Variants in ERGIC1 observed in about 807,000 individuals in gnomAD.
The protein encoded by ERGIC1 is endoplasmic reticulum-golgi intermediate compartment 1, also known as endoplasmic reticulum-Golgi intermediate compartment protein 1.
In ERGIC1, 19 loss-of-function variants were observed where a neutral mutation model predicts 38.3. That is an observed-to-expected ratio of 0.50 (90% confidence interval 0.35 to 0.73). The LOEUF (loss-of-function observed/expected upper bound fraction) is 0.73, where lower values mean the gene tolerates loss of function less well. Ranked by LOEUF, ERGIC1 falls within the 30% of genes least tolerant of loss-of-function variation. The pLI is 0.01. For synonymous variants in ERGIC1, 124 were observed against 157.6 expected, an observed-to-expected ratio of 0.79 and a Z score of 1.60; for missense variants, 294 against 389.2, an observed-to-expected ratio of 0.76 and a Z score of 2.06.
chr5:172,871,287 G>A (rs1030096350), intron 1 of ERGIC1, among the ~76,000 whole-genome samples: 6 of 152,130 alleles, frequency 3.9e-5, no homozygotes. Flanking sequence ...TATCAGCCTC[G>A]CTGCTGTTCC....
At chr5:172,875,836 G>A (rs1451000417) in intron 1 of ERGIC1, among the ~76,000 whole-genome samples, 4 of 152,174 alleles carry the variant, frequency 2.6e-5, no homozygotes, top group Admixed American at 1.3e-4. Context: ...TTCCTGCCTT[G>A]GGATAACAGG....
chr5:172,899,986 C>T (rs1188381011), intron 3 of ERGIC1, among the ~76,000 whole-genome samples: 2 of 152,232 alleles, frequency 1.3e-5, no homozygotes, highest in Non-Finnish European at 2.9e-5. Flanking sequence ...TAAGGCCGCT[C>T]CGCACCAGGC....
Position 172,950,768 on chromosome 5 carries a change from C to T in ERGIC1, c.825C>T (p.Phe275=), listed in dbSNP as rs1348979894. The T allele has an allele frequency of 1.2e-6, 2 of 1,613,126 alleles. No individual in the cohort carries two copies. Among genetic ancestry groups the T allele is most frequent in the Admixed American group, 3.3e-5 (2 of 59,990 alleles). ...TVAGILDSCI[F]TASEAWKKIQ... is the part of the protein sequence containing the mutation. The stretch of plus-strand genomic sequence containing the variant: ...CCGGCATCCTGGACTCATGCATCTT[C>T]ACAGCCTCTGAGGCCTGGAAGAAGA... The change falls in exon 10 of 10, where the codon TTC becomes TTT. Residue 275 remains phenylalanine (F), a synonymous_variant. Coordinates refer to ENST00000393784, the MANE Select transcript of ERGIC1 (RefSeq NM_001031711.3).
At position 172,909,878 on chromosome 5, in the gene ERGIC1, C is replaced by G. The variant is rs539378886; in HGVS notation, c.250+117C>G. On this transcript the variant is annotated intron_variant, in intron 4 of 9. Transcript: ENST00000393784. ...AAGCCAACATATGGTTCTCCCCACT[C>G]TTTTTTGGAGGAGAATATAATTGCG... The G allele has an allele frequency of 2.1e-5, 19 of 905,668 alleles. No homozygotes were observed. The East Asian group carries it at 3.7e-4, about 18-fold the overall frequency. 56.1% of individuals were successfully genotyped at this position (905,668 alleles called of 1,614,324 possible).
intron 8 of ERGIC1, 49 bp downstream of exon 8, chr5:172,932,585 TGAC>T (rs1282278984): frequency 6.4e-7 from 1 of 1,572,934 alleles, no homozygotes; most frequent in South Asian, 1.1e-5. Flanking sequence ...CGCCCTCTGC[TGAC>T]GGAGAGCAGA....
intron 5 of ERGIC1, among the ~76,000 whole-genome samples, chr5:172,923,775 T>A (rs990094130): frequency 1.3e-5 from 2 of 152,184 alleles, no homozygotes; most frequent in Non-Finnish European, 2.9e-5. Context: ...CACCAGATAG[T>A]CCTGGCAGCC....
At chr5:172,897,807 C>A in intron 3 of ERGIC1, 1 of 413,986 alleles carries the variant, frequency 2.4e-6, no homozygotes, top group Non-Finnish European at 4.4e-6. Flanking sequence ...CGCCCGGCCC[C>A]CTGGACTAAC....
rs569460837 is a variant in ERGIC1 at position 172,948,530 on chromosome 5, C to A, written c.766-2179C>A. ...TCTGAGTCCTGTGGTCATTTAAATG[C>A]CCCTTAAATGTGGCATGGGGGAAAG... On this transcript the variant is annotated intron_variant, in intron 9 of 9. Coordinates refer to ENST00000393784, the MANE Select transcript of ERGIC1 (RefSeq NM_001031711.3). Among the ~76,000 whole-genome samples, 42 of 152,268 alleles carry A rather than the reference C, an allele frequency of 2.8e-4. 1 individual carries two copies. Among genetic ancestry groups the A allele is most frequent in the African/African-American group, 9.9e-4 (41 of 41,550 alleles).
At chr5:172,903,647 A>G (rs1039220904) in intron 3 of ERGIC1, among the ~76,000 whole-genome samples, 5 of 152,286 alleles carry the variant, frequency 3.3e-5, no homozygotes, top group African/African-American at 1.2e-4. Flanking sequence ...AAAACCATGG[A>G]CATTTATTGA....
intron 4 of ERGIC1, among the ~76,000 whole-genome samples, chr5:172,910,626 G>C (rs1483381436): frequency 6.7e-6 from 1 of 149,910 alleles, no homozygotes; most frequent in East Asian, 2.0e-4. Context: ...CTGGGTTCAA[G>C]CGATTCTTCT....
chr5:172,852,208 C>T (rs1161793652), intron 1 of ERGIC1, among the ~76,000 whole-genome samples: 11 of 152,146 alleles, frequency 7.2e-5, no homozygotes, highest in Admixed American at 7.2e-4. Flanking sequence ...CAAGGCCATC[C>T]CCTGATGGTC....
At chr5:172,889,846 A>T (rs1762514410) in intron 2 of ERGIC1, among the ~76,000 whole-genome samples, 1 of 152,198 alleles carries the variant, frequency 6.6e-6, no homozygotes, top group African/African-American at 2.4e-5. Flanking sequence ...TGAAATCCAA[A>T]ATGCTTCAGT....
At chr5:172,873,294 C>T (rs957318680) in intron 1 of ERGIC1, among the ~76,000 whole-genome samples, 3 of 152,250 alleles carry the variant, frequency 2.0e-5, no homozygotes, top group East Asian at 3.8e-4. Flanking sequence ...CTTGCTCCCC[C>T]CAGCCCAGCA....
intron 1 of ERGIC1, among the ~76,000 whole-genome samples, chr5:172,884,549 G>C (rs1762372234): frequency 6.6e-6 from 1 of 152,182 alleles, no homozygotes; most frequent in Admixed American, 6.5e-5. Context: ...GCCACTGACT[G>C]TGTCTGGCCT....
chr5:172,950,880 C>A lies in ERGIC1; in HGVS notation c.*64C>A, dbSNP rs1283634168. On this transcript the variant is annotated 3_prime_UTR_variant, in exon 10 of 10. Transcript: ENST00000393784. ...GCCAGCCTTGCCTCCAGTGCCCTGTCTCCTTTGGCCCTCAATCTGGTCCCA... is the reference window on the plus strand; with the variant it reads ...GCCAGCCTTGCCTCCAGTGCCCTGTATCCTTTGGCCCTCAATCTGGTCCCA... 47 of 1,432,238 alleles carry A rather than the reference C, an allele frequency of 3.3e-5. No homozygotes were observed. The highest frequency in any genetic ancestry group is 4.1e-5 in the Non-Finnish European group (43 of 1,045,354). 88.7% of individuals were successfully genotyped at this position (1,432,238 alleles called of 1,614,324 possible).
rs747386328 is a variant in ERGIC1, at chr5:172,926,614, G to A, written c.541+45G>A. 2 of 1,603,638 alleles carry A rather than the reference G, an allele frequency of 1.2e-6. No homozygotes were observed. The highest frequency in any genetic ancestry group is 4.5e-5 in the East Asian group (2 of 44,852). On this transcript the variant is annotated intron_variant, in intron 7 of 9. Transcript: ENST00000393784. This position sits in a 1 kb window ranked among gnomAD's most constrained non-coding sequence, Gnocchi z 5.2. ...ACAGCCTTCTGCTCCAAGATGCCCAGTACAGCAGGCAGGGAGGGGGAGGGC... is the reference window on the plus strand; with the variant it reads ...ACAGCCTTCTGCTCCAAGATGCCCAATACAGCAGGCAGGGAGGGGGAGGGC...
chr5:172,913,267 C>T (rs1191656788), intron 4 of ERGIC1, among the ~76,000 whole-genome samples: 1 of 152,226 alleles, frequency 6.6e-6, no homozygotes, highest in Admixed American at 6.5e-5. Context: ...CCACTGGCTC[C>T]AGTGATAAGC....
Position 172,834,585 on chromosome 5 carries a change from C to A in ERGIC1, c.20+152C>A, listed in dbSNP as rs1351382548. The A allele has an allele frequency of 8.4e-6, 6 of 710,618 alleles. No individual in the cohort carries two copies. The highest frequency in any genetic ancestry group is 4.1e-5 in the African/African-American group (2 of 48,434). 44.0% of individuals were successfully genotyped at this position (710,618 alleles called of 1,614,324 possible). A position where few individuals can be genotyped will look rare whatever the true frequency, so the allele number is the denominator to read the frequency against. ...CCCCTAGGGACCCCAGGCGAGCCCC[C>A]CCCCTGCCGCACACGAAGCCAGCCA... is the stretch of plus-strand genomic sequence containing the variant. On this transcript the variant is annotated intron_variant, in intron 1 of 9. Coordinates refer to ENST00000393784, the MANE Select transcript of ERGIC1 (RefSeq NM_001031711.3). This position sits in a 1 kb window ranked among gnomAD's most constrained non-coding sequence, Gnocchi z 4.1.
intron 6 of ERGIC1, among the ~76,000 whole-genome samples, chr5:172,924,646 C>T (rs1763609487): frequency 6.6e-6 from 1 of 152,118 alleles, no homozygotes; most frequent in African/African-American, 2.4e-5. Context: ...CAGACCGAGG[C>T]AGGTGGAGGG....
Sources: gnomAD v4.1 joint callset for allele counts (sites outside exome capture counted in the v4.1 genomes callset) on GRCh38, gnomAD v4.1.1 for gene constraint, Gnocchi (gnomAD v3.1) non-coding constraint, MANE v1.5 for transcripts, NCBI Gene and HGNC (gene_info 2026-07-23, HGNC 2026-07-21) for gene names.